Variants in CNTN5 observed in about 807,000 individuals in gnomAD.
The protein encoded by CNTN5 is contactin-5.
Under a neutral mutation model 129.1 loss-of-function variants are expected in CNTN5, and 77 were observed. The observed-to-expected ratio is 0.60, with a 90% confidence interval of 0.50 to 0.72. CNTN5 has a LOEUF of 0.72. CNTN5 is among the 30% of genes least tolerant of loss of function. CNTN5 has a pLI of 0.00. For synonymous variants in CNTN5, 509 were observed against 465.6 expected, an observed-to-expected ratio of 1.09 and a Z score of -1.20; for missense variants, 1,478 against 1,328.8, an observed-to-expected ratio of 1.11 and a Z score of -1.75.
At chr11:99,817,789 AAGG>A (rs1172071781) in intron 3 of CNTN5, among the ~76,000 whole-genome samples, 1 of 152,074 alleles carries the variant, frequency 6.6e-6, no homozygotes, top group Non-Finnish European at 1.5e-5. Flanking sequence ...CCATGTTTTA[AAGG>A]AGACTTTATG....
At chr11:99,126,420 T>G (rs975532886) in intron 1 of CNTN5, among the ~76,000 whole-genome samples, 2 of 152,204 alleles carry the variant, frequency 1.3e-5, no homozygotes, top group Non-Finnish European at 1.5e-5. Context: ...GTGACTAAAG[T>G]TGAGAGGCAA....
intron 3 of CNTN5, among the ~76,000 whole-genome samples, chr11:99,760,032 T>C (rs1944528023): frequency 6.6e-6 from 1 of 152,038 alleles, no homozygotes; most frequent in Non-Finnish European, 1.5e-5. Flanking sequence ...AGCACATCCA[T>C]TAATCTCTAG....
intron 2 of CNTN5, among the ~76,000 whole-genome samples, chr11:99,512,705 C>T (rs1946886148): frequency 6.6e-6 from 1 of 152,014 alleles, no homozygotes; most frequent in African/African-American, 2.4e-5. Flanking sequence ...TCTTTGATGT[C>T]ACTATTGTAA....
chr11:99,348,065 A>C (rs1938024014), intron 2 of CNTN5, among the ~76,000 whole-genome samples: 1 of 152,220 alleles, frequency 6.6e-6, no homozygotes, highest in Non-Finnish European at 1.5e-5. Flanking sequence ...TAACAAATTA[A>C]ATTTAAATAA....
chr11:99,755,345 C>T (rs527592694), intron 3 of CNTN5, among the ~76,000 whole-genome samples: 5 of 152,216 alleles, frequency 3.3e-5, no homozygotes, highest in African/African-American at 7.2e-5. Flanking sequence ...CTGTCAGCAA[C>T]GAATGAAATA....
intron 2 of CNTN5, among the ~76,000 whole-genome samples, chr11:99,534,230 T>G (rs1001948412): frequency 3.9e-5 from 6 of 152,142 alleles, no homozygotes; most frequent in Admixed American, 2.6e-4. Context: ...AATACAGTAT[T>G]TTCAAGACCA....
intron 1 of CNTN5, among the ~76,000 whole-genome samples, chr11:99,212,322 C>G (rs1010905231): frequency 2.0e-5 from 3 of 152,178 alleles, no homozygotes; most frequent in African/African-American, 7.2e-5. Context: ...ATCTTTACAG[C>G]TTAGTTTTTC....
chr11:99,420,435 G>A (rs1029275685), intron 2 of CNTN5, among the ~76,000 whole-genome samples: 1 of 152,018 alleles, frequency 6.6e-6, no homozygotes, highest in African/African-American at 2.4e-5. Flanking sequence ...CAGTGTTAAT[G>A]GTAGCACATA....
intron 18 of CNTN5, 21 bp downstream of exon 18, chr11:100,271,262 G>A (rs201457268): frequency 7.1e-5 from 112 of 1,578,400 alleles, no homozygotes; most frequent in Non-Finnish European, 9.2e-5. Context: ...GGAAGAGTCA[G>A]ATTGGATTTG....
rs1246155705 is a variant in CNTN5, at chr11:99,045,438, AG to A, written c.-210+24169del. On this transcript the variant is annotated intron_variant, in intron 1 of 24. Coordinates refer to ENST00000524871, the MANE Select transcript of CNTN5 (RefSeq NM_014361.4). ...CTGTGTGCAAATGAGCATCTACGAAAGCATGTTTTTCATCTGGTCCCATAAA... is the reference window on the plus strand; with the variant it reads ...CTGTGTGCAAATGAGCATCTACGAAACATGTTTTTCATCTGGTCCCATAAA... 2.7e-4 allele frequency among the ~76,000 whole-genome samples: 41 copies of A among 152,254 alleles called. 1 individual carries two copies. The highest frequency in any genetic ancestry group is 4.4e-5 in the Non-Finnish European group (3 of 68,042).
chr11:99,357,389 A>G (rs1215586295), intron 2 of CNTN5, among the ~76,000 whole-genome samples: 1 of 151,850 alleles, frequency 6.6e-6, no homozygotes. Flanking sequence ...CTGAAATTAA[A>G]TAACAATATT....
intron 2 of CNTN5, among the ~76,000 whole-genome samples, chr11:99,491,523 T>C (rs1352253898): frequency 6.6e-6 from 1 of 152,192 alleles, no homozygotes; most frequent in Non-Finnish European, 1.5e-5. Context: ...ACAAGGTGGA[T>C]ACTGACAGTT....
chr11:99,587,775 C>A, intron 3 of CNTN5, among the ~76,000 whole-genome samples: 1 of 151,984 alleles, frequency 6.6e-6, no homozygotes, highest in East Asian at 1.9e-4. Context: ...AAAATAAATG[C>A]CATTTGCTAG....
At chr11:99,760,325 C>A (rs1158168184) in intron 3 of CNTN5, among the ~76,000 whole-genome samples, 1 of 152,072 alleles carries the variant, frequency 6.6e-6, no homozygotes, top group African/African-American at 2.4e-5. Flanking sequence ...GGAGGAGCGT[C>A]TGAGAGGATC....
At chr11:99,965,668 T>A (rs951370952) in intron 8 of CNTN5, among the ~76,000 whole-genome samples, 1 of 152,192 alleles carries the variant, frequency 6.6e-6, no homozygotes, top group Non-Finnish European at 1.5e-5. Flanking sequence ...TGTAGATGTC[T>A]ATTAGGTCTG....
intron 8 of CNTN5, among the ~76,000 whole-genome samples, chr11:99,967,906 A>C (rs11222088): frequency 0.075 from 11,430 of 152,206 alleles, 790 homozygotes; most frequent in African/African-American, 0.17. Context: ...ATCTACACTT[A>C]TGTTTTCTGC....
intron 2 of CNTN5, among the ~76,000 whole-genome samples, chr11:99,398,408 G>A (rs1941637676): frequency 6.6e-6 from 1 of 151,776 alleles, no homozygotes; most frequent in African/African-American, 2.4e-5. Context: ...TACTCTTCAT[G>A]CTTTAAATTC....
At chr11:99,448,432 T>A (rs1031205298) in intron 2 of CNTN5, among the ~76,000 whole-genome samples, 1 of 152,188 alleles carries the variant, frequency 6.6e-6, no homozygotes, top group South Asian at 2.1e-4. Context: ...CATTAGTTTT[T>A]CAAGGAACTT....
chr11:99,466,669 C>T (rs919733044), intron 2 of CNTN5, among the ~76,000 whole-genome samples: 8 of 151,954 alleles, frequency 5.3e-5, no homozygotes, highest in African/African-American at 1.9e-4. Context: ...TAGTCTAACT[C>T]AAGAGGGGAT....
Sources: gnomAD v4.1 joint callset for allele counts (sites outside exome capture counted in the v4.1 genomes callset) on GRCh38, gnomAD v4.1.1 for gene constraint, MANE v1.5 for transcripts, NCBI Gene and HGNC (gene_info 2026-07-23, HGNC 2026-07-21) for gene names.